FRS2: variants seen among roughly 807,000 people sequenced by gnomAD.
FRS2 encodes the protein fibroblast growth factor receptor substrate 2.
A neutral mutation model predicts 43.9 loss-of-function variants in FRS2; 8 were observed. The observed-to-expected ratio is 0.18, with a 90% CI of 0.11 to 0.33. FRS2 has a LOEUF of 0.33. FRS2 is among the 10% of genes least tolerant of loss of function. FRS2 has a pLI of 1.00. For missense variants in FRS2, 534 were observed against 627.6 expected, an observed-to-expected ratio of 0.85 and a Z score of 1.59; for synonymous variants, 219 against 220.3, an observed-to-expected ratio of 0.99 and a Z score of 0.05.
chr12:69,483,324 A>T (rs1871509636), intron 1 of FRS2, among the ~76,000 whole-genome samples: 2 of 151,964 alleles, frequency 1.3e-5, no homozygotes, highest in Non-Finnish European at 2.9e-5. Flanking sequence ...CCATGAAAAC[A>T]CTCCTTAGTG....
chr12:69,482,046 T>C (rs1484246343), intron 1 of FRS2, among the ~76,000 whole-genome samples: 1 of 151,612 alleles, frequency 6.6e-6, no homozygotes, highest in Non-Finnish European at 1.5e-5. Flanking sequence ...ATATACCTTA[T>C]ATTTGTATAG....
At chr12:69,480,245 G>A (rs1407647715) in intron 1 of FRS2, 1 of 152,082 alleles carries the variant, frequency 6.6e-6, no homozygotes, top group East Asian at 1.9e-4. Context: ...TCATCATCGT[G>A]AACCAAAACT....
At position 69,579,759 on chromosome 12, in the gene FRS2, C is replaced by T. The variant is rs1264112354; in HGVS notation, c.*4804C>T. 1 of 152,074 alleles carries T rather than the reference C, an allele frequency of 6.6e-6. No homozygotes were observed. The highest frequency in any genetic ancestry group is 6.6e-5 in the Admixed American group (1 of 15,262). 9.4% of individuals were successfully genotyped at this position (152,074 alleles called of 1,614,324 possible). On this transcript the variant is annotated 3_prime_UTR_variant, in exon 9 of 9. Transcript: ENST00000549921. ...TGCTGAAAGTAGATTGCAATAAAACCCCAATAAAACGTTTGGTCGGATATC... is the reference window on the plus strand; with the variant it reads ...TGCTGAAAGTAGATTGCAATAAAACTCCAATAAAACGTTTGGTCGGATATC...
chr12:69,548,112 C>T (rs1178684685), intron 3 of FRS2, among the ~76,000 whole-genome samples: 3 of 152,086 alleles, frequency 2.0e-5, no homozygotes, highest in South Asian at 2.1e-4. Flanking sequence ...CTTAGCCTCC[C>T]GAGTTGCTGA....
At chr12:69,528,832 A>T (rs1302344300) in intron 1 of FRS2, among the ~76,000 whole-genome samples, 1 of 152,250 alleles carries the variant, frequency 6.6e-6, no homozygotes, top group Non-Finnish European at 1.5e-5. Flanking sequence ...ACAAAGTCCT[A>T]AAGGAAGAGG....
chr12:69,548,113 G>A lies in FRS2; in HGVS notation c.-121-14067G>A, dbSNP rs114230067. The stretch of plus-strand genomic sequence containing the variant: ...AGTGATCTACCCACCTTAGCCTCCC[G>A]AGTTGCTGAAATTACAGGCGTAAGC... On this transcript the variant is annotated intron_variant, in intron 3 of 8. Coordinates refer to ENST00000549921, the MANE Select transcript of FRS2 (RefSeq NM_001278356.2). 8.9e-3 allele frequency among the ~76,000 whole-genome samples: 1,351 copies of A among 152,098 alleles called. 23 individuals carry two copies. The highest frequency in any genetic ancestry group is 0.03 in the African/African-American group (1,258 of 41,504).
intron 1 of FRS2, among the ~76,000 whole-genome samples, chr12:69,474,683 C>A (rs150894465): frequency 6.4e-4 from 97 of 152,272 alleles, no homozygotes; most frequent in Non-Finnish European, 1.1e-3. Flanking sequence ...CTCATTTCAT[C>A]CAGAGTGTCA....
intron 1 of FRS2, among the ~76,000 whole-genome samples, chr12:69,481,076 G>A (rs1871309396): frequency 6.6e-6 from 1 of 152,152 alleles, no homozygotes; most frequent in South Asian, 2.1e-4. Flanking sequence ...TGCAAGAATA[G>A]TGCAGTAGAC....
chr12:69,474,063 G>A (rs1391341516), intron 1 of FRS2, among the ~76,000 whole-genome samples: 3 of 152,062 alleles, frequency 2.0e-5, no homozygotes, highest in Non-Finnish European at 2.9e-5. Flanking sequence ...GGATGGTCTC[G>A]ATCTCTTGAC....
chr12:69,518,855 A>C (rs1875323661), intron 1 of FRS2, among the ~76,000 whole-genome samples: 1 of 152,008 alleles, frequency 6.6e-6, no homozygotes, highest in South Asian at 2.1e-4. Context: ...TCTCTACTAA[A>C]AATACAAAAG....
chr12:69,565,521 A>C (rs904264513), intron 4 of FRS2, among the ~76,000 whole-genome samples: 1 of 152,212 alleles, frequency 6.6e-6, no homozygotes, highest in Non-Finnish European at 1.5e-5. Context: ...TAAAACACAC[A>C]CATTCTACAG....
At chr12:69,502,788 T>C (rs1873575028) in intron 1 of FRS2, among the ~76,000 whole-genome samples, 1 of 152,184 alleles carries the variant, frequency 6.6e-6, no homozygotes, top group South Asian at 2.1e-4. Flanking sequence ...CTTTCTTTAG[T>C]TTCCAGGCAA....
At chr12:69,520,894 T>C (rs1216158523) in intron 1 of FRS2, among the ~76,000 whole-genome samples, 1 of 152,176 alleles carries the variant, frequency 6.6e-6, no homozygotes, top group Non-Finnish European at 1.5e-5. Flanking sequence ...ACATTGGATA[T>C]TTGGGCTTTT....
chr12:69,507,747 G>A (rs978714186), intron 1 of FRS2, among the ~76,000 whole-genome samples: 7 of 151,978 alleles, frequency 4.6e-5, no homozygotes, highest in Admixed American at 6.6e-5. Flanking sequence ...AGTTGCAGCC[G>A]GGCCCGGTGG....
chr12:69,486,809 C>T (rs1430265772), intron 1 of FRS2, among the ~76,000 whole-genome samples: 1 of 152,168 alleles, frequency 6.6e-6, no homozygotes, highest in Non-Finnish European at 1.5e-5. Context: ...CCATAACATT[C>T]CCTTAAGCCA....
At chr12:69,516,259 C>T (rs1293855011) in intron 1 of FRS2, among the ~76,000 whole-genome samples, 1 of 149,944 alleles carries the variant, frequency 6.7e-6, no homozygotes, top group Non-Finnish European at 1.5e-5. Flanking sequence ...GCTCTTGTTG[C>T]CCAGGCTGGC....
intron 4 of FRS2, among the ~76,000 whole-genome samples, chr12:69,564,004 G>A (rs1204013034): frequency 1.3e-5 from 2 of 151,998 alleles, no homozygotes; most frequent in East Asian, 3.9e-4. Context: ...TTATAAGCCT[G>A]CATAAATCTA....
rs60460901 is a variant in FRS2 at position 69,545,755 on chromosome 12, C to CAAAAAAA, written c.-122+13716_-122+13722dup. On this transcript the variant is annotated intron_variant, in intron 3 of 8. Coordinates refer to ENST00000549921, the MANE Select transcript of FRS2 (RefSeq NM_001278356.2). ...TGGGCGACAGTGTGAGACCCTGTCTCAAAAAAAAAAAAAAAAAAAAAAACA... is the reference window on the plus strand; with the variant it reads ...TGGGCGACAGTGTGAGACCCTGTCTCAAAAAAAAAAAAAAAAAAAAAAAAAAAAAACA... 2.4e-3 allele frequency among the ~76,000 whole-genome samples: 191 copies of CAAAAAAA among 80,232 alleles called. 1 individual carries two copies. Among genetic ancestry groups the CAAAAAAA allele is most frequent in the Non-Finnish European group, 3.0e-3 (121 of 39,984 alleles). The allele number at this position is 80,232 out of a possible 152,430, so 52.6% of individuals were successfully genotyped here. A position where few individuals can be genotyped will look rare whatever the true frequency, so the allele number is the denominator to read the frequency against.
At position 69,530,908 on chromosome 12, in the gene FRS2, A is replaced by AAC. The variant is rs1224010920; in HGVS notation, c.-215_-214dup. 1 of 152,634 alleles carries AAC rather than the reference A, an allele frequency of 6.6e-6. No homozygotes were observed. Among genetic ancestry groups the AAC allele is most frequent in the Non-Finnish European group, 1.5e-5 (1 of 68,046 alleles). The allele number at this position is 152,634 out of a possible 1,614,324, so 9.5% of individuals were successfully genotyped here. On this transcript the variant is annotated 5_prime_UTR_variant, in exon 2 of 9. An upstream open reading frame in the 5' UTR loses its in-frame stop. Transcript: ENST00000549921. ...AGATGCCCAGATGCAAAAGTGATGA[A>AAC]ACAGTCCATTTGTCATAAAGTAAGA...
Sources: allele counts gnomAD v4.1 joint callset (sites outside exome capture counted in the v4.1 genomes callset), GRCh38; gene constraint gnomAD v4.1.1; transcripts MANE v1.5; gene names NCBI Gene and HGNC (gene_info 2026-07-23, HGNC 2026-07-21).